GREM2: variants seen among roughly 807,000 people sequenced by gnomAD.
GREM2 encodes the protein gremlin 2, DAN family BMP antagonist.
In GREM2, 11 loss-of-function variants were observed where a neutral mutation model predicts 14.2. The observed-to-expected ratio is 0.78, with a 90% CI of 0.49 to 1.28. The LOEUF is 1.28. Ranked by LOEUF, GREM2 falls within the 50% of genes most tolerant of loss-of-function variation. The pLI, the probability that GREM2 is intolerant of heterozygous loss-of-function variation, is 0.00. For missense variants in GREM2, 210 were observed against 218.5 expected (o/e 0.96, Z 0.24); for synonymous variants, 98 against 97.6 (o/e 1.00, Z -0.02).
chr1:240,585,523 A>C lies in GREM2; in HGVS notation c.-2+26361T>G, dbSNP rs541678928. Among the ~76,000 whole-genome samples the C allele has an allele frequency of 3.9e-5, 6 of 152,104 alleles. No homozygotes were observed. The East Asian group carries it at 1.2e-3, about 30-fold the overall frequency. Reference sequence around the variant, plus strand: ...GGTGGGAGGATCACTTGAGGTCTGGAGTTCGAGACCAGCTTGGCCAACACG... The same window carrying C: ...GGTGGGAGGATCACTTGAGGTCTGGCGTTCGAGACCAGCTTGGCCAACACG... On this transcript the variant is annotated intron_variant, in intron 1 of 1. Coordinates refer to ENST00000318160, the MANE Select transcript of GREM2 (RefSeq NM_022469.4).
intron 1 of GREM2, among the ~76,000 whole-genome samples, chr1:240,583,230 C>T (rs1362719942): frequency 6.6e-6 from 1 of 151,972 alleles, no homozygotes; most frequent in Non-Finnish European, 1.5e-5. Context: ...GCTTATGTGG[C>T]ATATATATGT....
intron 1 of GREM2, among the ~76,000 whole-genome samples, chr1:240,591,037 C>T (rs1309459766): frequency 6.6e-6 from 1 of 151,844 alleles, no homozygotes. Flanking sequence ...TCCTTGGCCT[C>T]CCGAAGTGCT....
intron 1 of GREM2, among the ~76,000 whole-genome samples, chr1:240,586,614 C>T (rs528446869): frequency 1.7e-4 from 26 of 152,228 alleles, no homozygotes; most frequent in South Asian, 1.0e-3. Context: ...AACCAGGCTC[C>T]CAACCCCAAC....
Position 240,511,114 on chromosome 1 carries a change from A to G in GREM2, c.-1-17638T>C, listed in dbSNP as rs146062940. Among the ~76,000 whole-genome samples, 1,127 of 152,324 alleles carry G rather than the reference A, an allele frequency of 7.4e-3. 14 individuals carry two copies. The highest frequency in any genetic ancestry group is 0.026 in the African/African-American group (1,069 of 41,582). On this transcript the variant is annotated intron_variant, in intron 1 of 1. Transcript: ENST00000318160. ...GTAATACTGTTTTGAACACTAGTGT[A>G]CATATTAATTTTGGATTATTATTAT...
chr1:240,608,911 A>G (rs1360593843), intron 1 of GREM2, among the ~76,000 whole-genome samples: 1 of 151,944 alleles, frequency 6.6e-6, no homozygotes, highest in Non-Finnish European at 1.5e-5. Context: ...ACTTTTTCAG[A>G]GTTTGCATGC....
intron 1 of GREM2, among the ~76,000 whole-genome samples, chr1:240,580,530 G>A (rs1451844594): frequency 1.3e-5 from 2 of 152,138 alleles, no homozygotes; most frequent in Admixed American, 1.3e-4. Context: ...AATTACTGCT[G>A]GTAGACGTTA....
In GREM2 at chr1:240,540,373, A is replaced by T. The variant is rs1384223560; in HGVS notation, c.-1-46897T>A. On this transcript the variant is annotated intron_variant, in intron 1 of 1. Transcript: ENST00000318160. The surrounding 1 kb of genome is among the most constrained non-coding windows in gnomAD (Gnocchi z 4.2). ...TCCTTCAATTGCTGCCAAGTGAAGA[A>T]GGGAGAAAAACATGGCTAGGACCAA... is the stretch of plus-strand genomic sequence containing the variant. 6.6e-6 allele frequency among the ~76,000 whole-genome samples: 1 copy of T among 152,212 alleles called. No individual in the cohort carries two copies. The highest frequency in any genetic ancestry group is 1.5e-5 in the Non-Finnish European group (1 of 68,032).
chr1:240,511,905 C>T (rs953673396), intron 1 of GREM2, among the ~76,000 whole-genome samples: 2 of 152,138 alleles, frequency 1.3e-5, no homozygotes, highest in Non-Finnish European at 2.9e-5. Context: ...GAGACAGCTG[C>T]TGCACCCCCT....
At chr1:240,568,130 C>G (rs139026820) in intron 1 of GREM2, among the ~76,000 whole-genome samples, 80 of 151,914 alleles carry the variant, frequency 5.3e-4, no homozygotes, top group Middle Eastern at 3.4e-3. Flanking sequence ...ATAAAAATAA[C>G]GTATTGTAGC....
intron 1 of GREM2, among the ~76,000 whole-genome samples, chr1:240,504,052 G>A (rs1305831465): frequency 2.0e-5 from 3 of 152,164 alleles, no homozygotes; most frequent in Non-Finnish European, 4.4e-5. Flanking sequence ...AAACTATAAA[G>A]AAGAACTTGA....
At chr1:240,546,510 C>G (rs559822749) in intron 1 of GREM2, among the ~76,000 whole-genome samples, 132 of 152,274 alleles carry the variant, frequency 8.7e-4, no homozygotes, top group African/African-American at 2.6e-3. Flanking sequence ...AAGGGCAAGA[C>G]TTTATCATAT....
At chr1:240,541,517 T>C (rs1678587930) in intron 1 of GREM2, among the ~76,000 whole-genome samples, 1 of 152,230 alleles carries the variant, frequency 6.6e-6, no homozygotes, top group African/African-American at 2.4e-5. Flanking sequence ...CTGATTGATT[T>C]CCTAGAATGT....
rs893764243 is a variant in GREM2 at position 240,562,878 on chromosome 1, ATG to A, written c.-2+49004_-2+49005del. Reference sequence around the variant, plus strand: ...TGTGTATGTGTATATGTGAGTGTGTATGTGTGTATGAGTGTGTATGTGTGTAT... The same window carrying A: ...TGTGTATGTGTATATGTGAGTGTGTATGTGTATGAGTGTGTATGTGTGTAT... On this transcript the variant is annotated intron_variant, in intron 1 of 1. Transcript: ENST00000318160. Among the ~76,000 whole-genome samples the A allele has an allele frequency of 6.3e-5, 9 of 143,656 alleles. No homozygotes were observed. In the East Asian group the frequency reaches 1.3e-3, roughly 20 times the overall value. The allele number at this position is 143,656 out of a possible 152,430, so 94.2% of individuals were successfully genotyped here.
intron 1 of GREM2, among the ~76,000 whole-genome samples, chr1:240,509,218 T>C (rs1677744805): frequency 6.6e-6 from 1 of 152,100 alleles, no homozygotes; most frequent in Non-Finnish European, 1.5e-5. Context: ...TGCAGCTCTA[T>C]GGAGGGTCAT....
rs1203102109 is a variant in GREM2 at position 240,543,384 on chromosome 1, G to T, written c.-1-49908C>A. 6.6e-6 allele frequency among the ~76,000 whole-genome samples: 1 copy of T among 152,206 alleles called. No homozygotes were observed. Among genetic ancestry groups the T allele is most frequent in the African/African-American group, 2.4e-5 (1 of 41,444 alleles). On this transcript the variant is annotated intron_variant, in intron 1 of 1. Coordinates refer to ENST00000318160, the MANE Select transcript of GREM2 (RefSeq NM_022469.4). This position sits in a 1 kb window ranked among gnomAD's most constrained non-coding sequence, Gnocchi z 6.4. ...CACAATCAAGGCAGAAGACAAATGA[G>T]GAGCAAAATCACGTCTTACATGGTG...
At chr1:240,538,490 T>G (rs1288594126) in intron 1 of GREM2, among the ~76,000 whole-genome samples, 1 of 151,898 alleles carries the variant, frequency 6.6e-6, no homozygotes, top group Admixed American at 6.6e-5. Context: ...TCACTTGAGC[T>G]CAGGAGTTTG....
chr1:240,574,289 AAAAG>A (rs1015398324), intron 1 of GREM2, among the ~76,000 whole-genome samples: 34 of 152,272 alleles, frequency 2.2e-4, no homozygotes, highest in African/African-American at 8.2e-4. Flanking sequence ...CACTCCTCAG[AAAAG>A]AAAGAAAAAC....
chr1:240,515,077 A>G (rs760299190), intron 1 of GREM2, among the ~76,000 whole-genome samples: 6 of 152,220 alleles, frequency 3.9e-5, no homozygotes, highest in Non-Finnish European at 8.8e-5. Flanking sequence ...TAGAAACCAT[A>G]CCTATAAGCA....
chr1:240,519,472 G>A (rs747314197), intron 1 of GREM2, among the ~76,000 whole-genome samples: 5 of 151,258 alleles, frequency 3.3e-5, no homozygotes, highest in African/African-American at 4.9e-5. Context: ...TATTCCCACC[G>A]ATAAACCAAT....
Sources: gnomAD v4.1 joint callset for allele counts (sites outside exome capture counted in the v4.1 genomes callset) on GRCh38, gnomAD v4.1.1 for gene constraint, Gnocchi (gnomAD v3.1) non-coding constraint, MANE v1.5 for transcripts, NCBI Gene and HGNC (gene_info 2026-07-23, HGNC 2026-07-21) for gene names.